Variants in ZNF609 observed in about 807,000 individuals in gnomAD.
The protein encoded by ZNF609 is zinc finger protein 609.
In ZNF609, 11 loss-of-function variants were observed where a neutral mutation model predicts 109.5. The observed-to-expected ratio is 0.10, with a 90% CI of 0.06 to 0.17. The LOEUF (loss-of-function observed/expected upper bound fraction) is 0.17. Among genes scored for constraint, ZNF609 ranks in the 10% least tolerant of loss-of-function variants. ZNF609 has a pLI of 1.00. For synonymous variants in ZNF609, 646 were observed against 662.0 expected (o/e 0.98, Z 0.37); for missense variants, 1,559 against 1,772.4 (o/e 0.88, Z 2.16).
At chr15:64,473,826 G>T (rs112190405) in intron 1 of ZNF609, among the ~76,000 whole-genome samples, 7,332 of 152,132 alleles carry the variant, frequency 0.048, 236 homozygotes, top group South Asian at 0.087. Context: ...CCCCGTCTCA[G>T]TGCAGTGGCG....
chr15:64,515,037 G>T (rs576064856), intron 2 of ZNF609, among the ~76,000 whole-genome samples: 13 of 151,886 alleles, frequency 8.6e-5, no homozygotes, highest in African/African-American at 3.1e-4. Context: ...TAAGCAAATG[G>T]GATTATATTT....
intron 2 of ZNF609, among the ~76,000 whole-genome samples, chr15:64,547,126 T>A (rs28432776): frequency 1.4e-5 from 2 of 145,772 alleles, no homozygotes; most frequent in East Asian, 1.9e-4. Flanking sequence ...TGGTAATTTT[T>A]AAAATTTCAT....
chr15:64,567,212 G>A (rs555775725), intron 2 of ZNF609, among the ~76,000 whole-genome samples: 6 of 152,196 alleles, frequency 3.9e-5, no homozygotes, highest in African/African-American at 1.4e-4. Flanking sequence ...CCAGCTGGGC[G>A]CCATGACTCA....
rs745652007 is a variant in ZNF609, at chr15:64,622,938, G to A, written c.859G>A (p.Val287Ile). The change falls in exon 3 of 10, where the codon GTT becomes ATT. Residue 287 changes from valine to isoleucine, a missense_variant. Transcript: ENST00000326648. ...CEQIMVRTRS[V>I]GVNTCDVALA... ...GCAGATCATGGTTCGTACCCGATCA[G>A]TTGGGGTCAACACATGTGATGTGGC... is the stretch of plus-strand genomic sequence containing the variant. 4.3e-6 allele frequency: 7 copies of A among 1,614,086 alleles called. No individual in the cohort carries two copies. Among genetic ancestry groups the A allele is most frequent in the Admixed American group, 3.3e-5 (2 of 60,014 alleles).
intron 2 of ZNF609, among the ~76,000 whole-genome samples, chr15:64,545,787 C>G (rs890203678): frequency 6.6e-6 from 1 of 152,174 alleles, no homozygotes; most frequent in Non-Finnish European, 1.5e-5. Flanking sequence ...TGTCCAGCTT[C>G]TTTCACTTAA....
chr15:64,609,147 T>C (rs28763380), intron 2 of ZNF609, among the ~76,000 whole-genome samples: 10 of 149,698 alleles, frequency 6.7e-5, no homozygotes, highest in Non-Finnish European at 1.5e-4. Context: ...TTTCTTTTTT[T>C]TCTCTCTCTC....
intron 1 of ZNF609, among the ~76,000 whole-genome samples, chr15:64,495,597 C>T (rs1489681331): frequency 2.0e-5 from 3 of 151,824 alleles, no homozygotes; most frequent in Non-Finnish European, 2.9e-5. Flanking sequence ...GAAAGGGTTT[C>T]GTCATGCTGG....
At chr15:64,461,103 C>T (rs954074193) in intron 1 of ZNF609, among the ~76,000 whole-genome samples, 1 of 148,620 alleles carries the variant, frequency 6.7e-6, no homozygotes, top group African/African-American at 2.5e-5. Flanking sequence ...TAGGGGTGCC[C>T]GGGAGGGGAT....
At chr15:64,554,783 G>A (rs1894549188) in intron 2 of ZNF609, among the ~76,000 whole-genome samples, 2 of 151,884 alleles carry the variant, frequency 1.3e-5, no homozygotes, top group Admixed American at 1.3e-4. Flanking sequence ...TATATTCTTG[G>A]ATTTGATTTG....
intron 1 of ZNF609, among the ~76,000 whole-genome samples, chr15:64,462,533 A>G (rs539058703): frequency 7.9e-5 from 12 of 152,308 alleles, no homozygotes; most frequent in African/African-American, 2.9e-4. Context: ...CTTTGGGAGA[A>G]TGAAGCCAGA....
At chr15:64,618,286 G>A (rs1037887144) in intron 2 of ZNF609, among the ~76,000 whole-genome samples, 35 of 152,254 alleles carry the variant, frequency 2.3e-4, no homozygotes, top group African/African-American at 8.4e-4. Context: ...CAATGGGAGT[G>A]TGGCTCACTT....
intron 3 of ZNF609, among the ~76,000 whole-genome samples, chr15:64,665,789 C>T (rs1031219659): frequency 2.6e-5 from 4 of 151,974 alleles, no homozygotes; most frequent in African/African-American, 9.7e-5. Context: ...GCCTGTAATC[C>T]CAGCTACTCG....
chr15:64,500,595 G>A lies in ZNF609; in HGVS notation c.747+429G>A, dbSNP rs115804441. ...TTTGGTGATAATGTAGATTGAGTAC[G>A]GTTCTTGATGGGATAAATGGTGCTG... On this transcript the variant is annotated intron_variant, in intron 2 of 9. Transcript: ENST00000326648. The A allele has an allele frequency of 2.8e-3, 1,641 of 593,562 alleles. 24 individuals carry two copies. In the African/African-American group the frequency reaches 0.028, roughly 10 times the overall value. The allele number at this position is 593,562 out of a possible 1,614,324, so 36.8% of individuals were successfully genotyped here. A position where few individuals can be genotyped will look rare whatever the true frequency, so the allele number is the denominator to read the frequency against.
intron 1 of ZNF609, among the ~76,000 whole-genome samples, chr15:64,498,909 G>A (rs1028090367): frequency 1.1e-4 from 17 of 152,154 alleles, no homozygotes; most frequent in Admixed American, 3.9e-4. Flanking sequence ...GGAGAAATGG[G>A]GGTATAAGTA....
chr15:64,539,628 G>A (rs931840415), intron 2 of ZNF609, among the ~76,000 whole-genome samples: 2 of 151,826 alleles, frequency 1.3e-5, no homozygotes, highest in South Asian at 2.1e-4. Flanking sequence ...CTCAGCCTTC[G>A]GAGTAGCTGG....
intron 3 of ZNF609, among the ~76,000 whole-genome samples, chr15:64,639,366 A>G (rs981863420): frequency 6.6e-6 from 1 of 152,216 alleles, no homozygotes; most frequent in Admixed American, 6.5e-5. Context: ...AAACAACAGA[A>G]AGTTATTATT....
intron 2 of ZNF609, among the ~76,000 whole-genome samples, chr15:64,548,270 G>T (rs553795232): frequency 6.6e-6 from 1 of 152,210 alleles, no homozygotes; most frequent in South Asian, 2.1e-4. Flanking sequence ...TCTCACTTAG[G>T]AATGGTCAAT....
At chr15:64,490,009 A>C (rs757694201) in intron 1 of ZNF609, among the ~76,000 whole-genome samples, 1 of 152,126 alleles carries the variant, frequency 6.6e-6, no homozygotes, top group Non-Finnish European at 1.5e-5. Flanking sequence ...CCCAGGCGGG[A>C]GTGCAGTGGC....
chr15:64,662,347 T>C (rs1049155711), intron 3 of ZNF609, among the ~76,000 whole-genome samples: 15 of 146,026 alleles, frequency 1.0e-4, no homozygotes, highest in Non-Finnish European at 2.2e-4. Context: ...AGGCCCCATC[T>C]TTTTTTTTTC....
Sources: allele counts gnomAD v4.1 joint callset (sites outside exome capture counted in the v4.1 genomes callset), GRCh38; gene constraint gnomAD v4.1.1; transcripts MANE v1.5; gene names NCBI Gene and HGNC (gene_info 2026-07-23, HGNC 2026-07-21).